Variants in CEMIP2 observed in about 807,000 individuals in gnomAD.
CEMIP2 encodes cell migration inducing hyaluronidase 2.
CEMIP2 carries 79 observed loss-of-function variants against 146.9 expected under a neutral mutation model. The observed-to-expected ratio is 0.54, with a 90% confidence interval of 0.45 to 0.65. The LOEUF (loss-of-function observed/expected upper bound fraction) is 0.65, where lower values mean the gene tolerates loss of function less well. Ranked by LOEUF, CEMIP2 falls within the 30% of genes least tolerant of loss-of-function variation. CEMIP2 has a pLI of 0.00. For synonymous variants in CEMIP2, 601 were observed against 606.3 expected (o/e 0.99, Z 0.13); for missense variants, 1,596 against 1,696.2 (o/e 0.94, Z 1.04).
Position 71,740,245 on chromosome 9 carries a change from A to T in CEMIP2, c.1035-13T>A, listed in dbSNP as rs755664346. 14 of 1,611,252 alleles carry T rather than the reference A, an allele frequency of 8.7e-6. No individual in the cohort carries two copies. Among genetic ancestry groups the T allele is most frequent in the Non-Finnish European group, 1.1e-5 (13 of 1,179,690 alleles). ...AGCCCAAGCTTGCCTAGAAGGAAAA[A>T]GAGCATGTGCATTTGATTACTTGTC... On this transcript the variant is annotated splice_polypyrimidine_tract_variant and intron_variant, in intron 4 of 23. Coordinates refer to ENST00000377044, the MANE Select transcript of CEMIP2 (RefSeq NM_013390.3).
chr9:71,750,016 G>T (rs143059065), intron 2 of CEMIP2, 27 bp downstream of exon 2: 1 of 1,544,018 alleles, frequency 6.5e-7, no homozygotes, highest in Non-Finnish European at 8.7e-7. Flanking sequence ...TCTAGAATAT[G>T]TTCTATGTGC....
chr9:71,709,148 T>G (rs575298166), intron 17 of CEMIP2, 111 bp downstream of exon 17: 2 of 968,284 alleles, frequency 2.1e-6, no homozygotes, highest in Non-Finnish European at 3.2e-6. Flanking sequence ...GGAAGATAGA[T>G]CATACTTTGG....
intron 15 of CEMIP2, 188 bp from the exon 16 acceptor site, chr9:71,712,448 A>G: frequency 1.7e-6 from 1 of 584,304 alleles, no homozygotes; most frequent in Non-Finnish European, 3.0e-6. Flanking sequence ...AAACAGAAAA[A>G]CAAAGGATCA....
intron 16 of CEMIP2, 47 bp from the exon 17 acceptor site, chr9:71,709,521 TA>T (rs1179269113): frequency 6.6e-7 from 1 of 1,505,852 alleles, no homozygotes; most frequent in Non-Finnish European, 9.2e-7. Flanking sequence ...GGGCTCCTGC[TA>T]TCTCAGCATC....
At chr9:71,722,948 G>T (rs1823279868) in intron 11 of CEMIP2, among the ~76,000 whole-genome samples, 1 of 151,786 alleles carries the variant, frequency 6.6e-6, no homozygotes, top group African/African-American at 2.4e-5. Flanking sequence ...GAGGATTCAG[G>T]GAATGTCTCC....
chr9:71,685,239 T>C lies in CEMIP2; in HGVS notation c.4110A>G (p.Arg1370=), dbSNP rs764736938. The C allele has an allele frequency of 2.5e-6, 4 of 1,613,284 alleles. No individual in the cohort carries two copies. In the Admixed American group the frequency reaches 5.0e-5, roughly 20 times the overall value. ...CTTGCTTTAGCAGTTCCAGGTCTCT[T>C]CTGCGGACAGTGGTGGCTCTGGGAC... ...YGCPRATTVR[R]RDLELLKQAS... The change falls in exon 24 of 24, where the codon AGA becomes AGG. Residue 1370 remains arginine, a synonymous_variant. Transcript: ENST00000377044.
intron 1 of CEMIP2, among the ~76,000 whole-genome samples, chr9:71,753,006 A>G (rs991385892): frequency 6.8e-6 from 1 of 147,132 alleles, no homozygotes; most frequent in Non-Finnish European, 1.5e-5. Flanking sequence ...TCAAGGTGCT[A>G]TTGAAGAACT....
At chr9:71,694,732 A>G in intron 20 of CEMIP2, 125 bp from the exon 21 acceptor site, 1 of 632,936 alleles carries the variant, frequency 1.6e-6, no homozygotes, top group Non-Finnish European at 2.8e-6. Flanking sequence ...TTTTGTACAT[A>G]TTTCATGACC....
intron 18 of CEMIP2, among the ~76,000 whole-genome samples, chr9:71,701,739 CT>C (rs1231824097): frequency 6.6e-6 from 1 of 151,966 alleles, no homozygotes; most frequent in South Asian, 2.1e-4. Flanking sequence ...AAAATTAATC[CT>C]TTTTAAAAAT....
Position 71,728,250 on chromosome 9 carries a change from T to TATATATATAC in CEMIP2, c.2049+1594_2049+1595insGTATATATAT, listed in dbSNP as rs1564012216. Among the ~76,000 whole-genome samples, 26 of 23,446 alleles carry TATATATATAC rather than the reference T, an allele frequency of 1.1e-3. 1 individual carries two copies. Among genetic ancestry groups the TATATATATAC allele is most frequent in the East Asian group, 5.0e-3 (3 of 604 alleles). The allele number at this position is 23,446 out of a possible 152,430, so 15.4% of individuals were successfully genotyped here. A position where few individuals can be genotyped will look rare whatever the true frequency, so the allele number is the denominator to read the frequency against. ...CTCTCTCTATATATATATATATATA[T>TATATATATAC]GTATATACACGTATATATATATATA... On this transcript the variant is annotated intron_variant, in intron 10 of 23. Coordinates refer to ENST00000377044, the MANE Select transcript of CEMIP2 (RefSeq NM_013390.3).
intron 12 of CEMIP2, among the ~76,000 whole-genome samples, chr9:71,721,433 G>C (rs1823228345): frequency 6.6e-6 from 1 of 152,098 alleles, no homozygotes; most frequent in Admixed American, 6.5e-5. Context: ...AACGCCCACA[G>C]TTTCTTGGTT....
chr9:71,707,190 G>A (rs965102186), intron 17 of CEMIP2, among the ~76,000 whole-genome samples: 39 of 152,162 alleles, frequency 2.6e-4, no homozygotes, highest in African/African-American at 9.2e-4. Flanking sequence ...GGCATTGATG[G>A]GTAAACTTAA....
chr9:71,752,946 A>G (rs181361429), intron 1 of CEMIP2, among the ~76,000 whole-genome samples: 1 of 152,308 alleles, frequency 6.6e-6, no homozygotes, highest in East Asian at 1.9e-4. Context: ...GAACAAAAGT[A>G]ATTATTTAGA....
rs1823716800 is a variant in CEMIP2, at chr9:71,734,838, G to C, written c.1361C>G (p.Ser454Cys). Residue 454 changes from serine (S) to cysteine (C), a missense_variant, in exon 6 of 24, where the codon TCT becomes TGT. Ser to Cys is a moderately radical substitution (Grantham distance 112). Transcript: ENST00000377044. The stretch of plus-strand genomic sequence containing the variant: ...TTTGACCTGAAAATGGCTGCATTCA[G>C]AACAGGGAAGAAGAGTGAACTCCTC... The part of the protein sequence containing the change: ...QAEEFTLLPC[S>C]ECSHFQVKVK... The C allele has an allele frequency of 1.2e-6, 2 of 1,612,974 alleles. No homozygotes were observed. Among genetic ancestry groups the C allele is most frequent in the African/African-American group, 1.3e-5 (1 of 74,828 alleles).
In CEMIP2 at chr9:71,746,596, C is replaced by CAAAAAAAA. The variant is rs5898226; in HGVS notation, c.332-263_332-256dup. On this transcript the variant is annotated intron_variant, in intron 2 of 23. Transcript: ENST00000377044. ...GCATCTAGTTCAGGACAAACTTCAC[C>CAAAAAAAA]AAAAAAAAAAAAAAAAAAAAAAAGT... is the stretch of plus-strand genomic sequence containing the variant. 2.0e-4 allele frequency among the ~76,000 whole-genome samples: 15 copies of CAAAAAAAA among 75,174 alleles called. 1 individual carries two copies. The South Asian group carries it at 7.9e-3, about 40-fold the overall frequency. 49.3% of individuals were successfully genotyped at this position (75,174 alleles called of 152,430 possible). A position where few individuals can be genotyped will look rare whatever the true frequency, so the allele number is the denominator to read the frequency against.
intron 2 of CEMIP2, among the ~76,000 whole-genome samples, chr9:71,747,348 T>C (rs1719944274): frequency 6.6e-6 from 1 of 152,206 alleles, no homozygotes; most frequent in East Asian, 1.9e-4. Flanking sequence ...AATGAAACAC[T>C]GAACAATATG....
chr9:71,710,849 C>G (rs1353870007), intron 16 of CEMIP2, among the ~76,000 whole-genome samples: 1 of 152,184 alleles, frequency 6.6e-6, no homozygotes, highest in Non-Finnish European at 1.5e-5. Flanking sequence ...AAAGAACCAG[C>G]CAACCAAGCT....
intron 5 of CEMIP2, among the ~76,000 whole-genome samples, chr9:71,738,689 T>C (rs1201874846): frequency 6.6e-6 from 1 of 151,810 alleles, no homozygotes; most frequent in African/African-American, 2.4e-5. Context: ...AATACAAAAA[T>C]TAGCCAGGCA....
intron 1 of CEMIP2, among the ~76,000 whole-genome samples, chr9:71,756,857 T>G (rs777187528): frequency 1.6e-4 from 24 of 152,216 alleles, no homozygotes; most frequent in Non-Finnish European, 1.9e-4. Context: ...CTACACATTA[T>G]GAAATGCAGT....
Sources: gnomAD v4.1 joint callset for allele counts (sites outside exome capture counted in the v4.1 genomes callset) on GRCh38, gnomAD v4.1.1 for gene constraint, MANE v1.5 for transcripts, NCBI Gene and HGNC (gene_info 2026-07-23, HGNC 2026-07-21) for gene names.